The following CASR variants were observed in gnomAD, a reference collection of about 807,000 sequenced individuals.
CASR encodes calcium sensing receptor.
CASR carries 23 observed loss-of-function variants against 69.1 expected under a neutral mutation model. The observed-to-expected ratio is 0.33, with a 90% CI of 0.24 to 0.47. CASR has a LOEUF of 0.47. CASR is among the 20% of genes least tolerant of loss of function. The pLI is 1.00. For synonymous variants in CASR, 541 were observed against 544.7 expected, an observed-to-expected ratio of 0.99 and a Z score of 0.10; for missense variants, 924 against 1,356.1, an observed-to-expected ratio of 0.68 and a Z score of 5.00.
At position 122,282,104 on chromosome 3, in the gene CASR, G is replaced by A; in HGVS notation, c.1609-9G>A. On this transcript the variant is annotated splice_polypyrimidine_tract_variant and intron_variant, in intron 5 of 6. Coordinates refer to ENST00000639785, the MANE Select transcript of CASR (RefSeq NM_000388.4). ...ACAGCCACTCACCTTTGTGCTGTCT[G>A]TCCTCCAGGTGCCCTTCTCCAACTG... is the stretch of plus-strand genomic sequence containing the variant. 1.2e-6 allele frequency: 2 copies of A among 1,614,236 alleles called. No homozygotes were observed. Among genetic ancestry groups the A allele is most frequent in the South Asian group, 1.1e-5 (1 of 91,080 alleles).
intron 1 of CASR, among the ~76,000 whole-genome samples, chr3:122,224,461 AAT>A (rs1187894409): frequency 1.3e-5 from 2 of 152,188 alleles, no homozygotes; most frequent in Admixed American, 1.3e-4. Flanking sequence ...AAAAGAAGAA[AAT>A]GCCTAGGAAT....
chr3:122,269,563 A>G (rs926201638), intron 4 of CASR, among the ~76,000 whole-genome samples: 1 of 152,190 alleles, frequency 6.6e-6, no homozygotes, highest in African/African-American at 2.4e-5. Context: ...CATAATGTAT[A>G]TTCCTTTTTG....
At chr3:122,275,683 TTCC>T (rs2074808693) in intron 4 of CASR, 126 bp from the exon 5 acceptor site, 2 of 736,142 alleles carry the variant, frequency 2.7e-6, no homozygotes, top group African/African-American at 3.5e-5. Context: ...AAGCTGTCTC[TTCC>T]TCAAGTCACG....
intron 1 of CASR, among the ~76,000 whole-genome samples, chr3:122,195,007 G>GCTCCTCCTCCTACTTCCTGCTC (rs34747726): frequency 0.17 from 25,414 of 150,074 alleles, 2,196 homozygotes; most frequent in African/African-American, 0.2. Flanking sequence ...CCTACTTCCT[G>GCTCCTCCTCCTACTTCCTGCTC]CTCCTCCTCC....
rs1332130473 is a variant in CASR, at chr3:122,216,676, T to C, written c.-243+32864T>C. 2.0e-5 allele frequency among the ~76,000 whole-genome samples: 3 copies of C among 152,348 alleles called. No homozygotes were observed. The East Asian group carries it at 5.8e-4, about 29-fold the overall frequency. On this transcript the variant is annotated intron_variant, in intron 1 of 6. Coordinates refer to ENST00000639785, the MANE Select transcript of CASR (RefSeq NM_000388.4). Reference sequence around the variant, plus strand: ...AGGACTAAACTTCAGGTATTTAGTATAGCCGGGCACATAAAAGTGCTCATT... The same window carrying C: ...AGGACTAAACTTCAGGTATTTAGTACAGCCGGGCACATAAAAGTGCTCATT...
rs145682679 is a variant in CASR at position 122,233,107 on chromosome 3, C to A, written c.-242-20841C>A. Among the ~76,000 whole-genome samples, 17 of 152,298 alleles carry A rather than the reference C, an allele frequency of 1.1e-4. No homozygotes were observed. The East Asian group carries it at 3.3e-3, about 29-fold the overall frequency. On this transcript the variant is annotated intron_variant, in intron 1 of 6. Transcript: ENST00000639785. ...TCACTTAGTCTTCCTCCCTTCTAGA[C>A]AAGATTTATTAAGATATGGAATCAT...
chr3:122,251,978 T>C (rs1291874910), intron 1 of CASR, among the ~76,000 whole-genome samples: 4 of 152,024 alleles, frequency 2.6e-5, no homozygotes, highest in Non-Finnish European at 5.9e-5. Flanking sequence ...AGTTAAGAAA[T>C]AGTTGCAGAA....
chr3:122,219,240 C>T (rs1024204611), intron 1 of CASR, among the ~76,000 whole-genome samples: 14 of 152,070 alleles, frequency 9.2e-5, no homozygotes, highest in South Asian at 4.1e-4. Context: ...AGTTAGAAGC[C>T]AGTCATTCAG....
At chr3:122,218,592 G>A (rs1406334285) in intron 1 of CASR, among the ~76,000 whole-genome samples, 2 of 127,212 alleles carry the variant, frequency 1.6e-5, no homozygotes, top group Admixed American at 8.9e-5. Context: ...ACAAGATCTG[G>A]TGGTGAACTG....
intron 1 of CASR, among the ~76,000 whole-genome samples, chr3:122,201,351 A>G (rs1457797437): frequency 6.6e-6 from 1 of 152,256 alleles, no homozygotes; most frequent in East Asian, 1.9e-4. Flanking sequence ...CCAAGGCAGA[A>G]GAACCTTTCC....
intron 1 of CASR, among the ~76,000 whole-genome samples, chr3:122,224,319 G>A (rs937910398): frequency 6.6e-6 from 1 of 152,126 alleles, no homozygotes; most frequent in Admixed American, 6.6e-5. Context: ...AAGGCTCAGA[G>A]AACTGGTAAA....
chr3:122,251,972 A>C (rs1266891924), intron 1 of CASR, among the ~76,000 whole-genome samples: 7 of 152,212 alleles, frequency 4.6e-5, no homozygotes, highest in Admixed American at 1.3e-4. Flanking sequence ...AATGCCAGTT[A>C]AGAAATAGTT....
At position 122,262,027 on chromosome 3, in the gene CASR, G is replaced by A. The variant is rs747090029; in HGVS notation, c.992G>A (p.Arg331Gln). Residue 331 changes from arginine (R) to glutamine (Q), a missense_variant, in exon 4 of 7, where the codon CGG becomes CAG. By Grantham distance (43) the Arg-to-Gln change is conservative. This residue lies in a region of CASR where 310 missense variants were observed against 395.7 expected (regional missense o/e 0.78). Transcript: ENST00000639785. Reference sequence around the variant, plus strand: ...AAGGCTGGGCAGATCCCAGGCTTCCGGGAATTCCTGAAGAAGGTCCATCCC... The same window carrying A: ...AAGGCTGGGCAGATCCCAGGCTTCCAGGAATTCCTGAAGAAGGTCCATCCC... ...ALKAGQIPGF[R>Q]EFLKKVHPRK... The A allele has an allele frequency of 5.0e-6, 8 of 1,614,170 alleles. No individual in the cohort carries two copies. Among genetic ancestry groups the A allele is most frequent in the South Asian group, 1.1e-5 (1 of 91,068 alleles).
chr3:122,199,321 A>G (rs2073919987), intron 1 of CASR, among the ~76,000 whole-genome samples: 2 of 152,170 alleles, frequency 1.3e-5, no homozygotes, highest in African/African-American at 2.4e-5. Context: ...TGCTTATTAT[A>G]TAGTTCTTCC....
chr3:122,255,074 A>G (rs2074540943), intron 2 of CASR, among the ~76,000 whole-genome samples: 1 of 152,018 alleles, frequency 6.6e-6, no homozygotes, highest in Non-Finnish European at 1.5e-5. Context: ...CAAGCCACAT[A>G]GTCTGTTTTA....
intron 1 of CASR, among the ~76,000 whole-genome samples, chr3:122,192,313 G>A (rs1306171640): frequency 6.6e-6 from 1 of 152,202 alleles, no homozygotes; most frequent in African/African-American, 2.4e-5. Flanking sequence ...GTACAAAGGG[G>A]ACGATAAGAG....
At chr3:122,265,353 A>G (rs894874746) in intron 4 of CASR, among the ~76,000 whole-genome samples, 1 of 152,152 alleles carries the variant, frequency 6.6e-6, no homozygotes, top group Admixed American at 6.5e-5. Context: ...TAGCACTAGC[A>G]GGTGATTTAT....
chr3:122,232,151 T>C (rs1055960918), intron 1 of CASR, among the ~76,000 whole-genome samples: 2 of 152,200 alleles, frequency 1.3e-5, no homozygotes, highest in African/African-American at 4.8e-5. Context: ...ACAATCCCTT[T>C]TTTTTATTGT....
chr3:122,191,008 C>A (rs1336941308), intron 1 of CASR, among the ~76,000 whole-genome samples: 4 of 152,210 alleles, frequency 2.6e-5, no homozygotes, highest in African/African-American at 9.6e-5. Flanking sequence ...GATTCAGCTG[C>A]CTCTCCACCT....
Sources: gnomAD v4.1 joint callset for allele counts (sites outside exome capture counted in the v4.1 genomes callset) on GRCh38, gnomAD v4.1.1 for gene constraint, gnomAD v4.1.1 regional missense constraint, MANE v1.5 for transcripts, NCBI Gene and HGNC (gene_info 2026-07-23, HGNC 2026-07-21) for gene names.